Variants in CNTNAP4 observed in about 807,000 individuals in gnomAD.
CNTNAP4 encodes the protein contactin associated protein family member 4.
CNTNAP4 carries 98 observed loss-of-function variants against 148.4 expected under a neutral mutation model. That is an observed-to-expected ratio of 0.66 (90% CI 0.56 to 0.78). CNTNAP4 has a LOEUF of 0.78. CNTNAP4 is among the 30% of genes least tolerant of loss of function. The pLI is 0.00. For synonymous variants in CNTNAP4, 730 were observed against 565.1 expected (o/e 1.29, Z -4.14); for missense variants, 1,935 against 1,565.6 (o/e 1.24, Z -3.98).
At position 76,558,332 on chromosome 16, in the gene CNTNAP4, G is replaced by A. The variant is rs1010777940; in HGVS notation, c.3734-158G>A. On this transcript the variant is annotated intron_variant, in intron 23 of 23. Transcript: ENST00000611870. ...AATAAACTCAACATACAATAATACTGCTTGAGCCAGAAATACCTGAAGTTT... is the reference window on the plus strand; with the variant it reads ...AATAAACTCAACATACAATAATACTACTTGAGCCAGAAATACCTGAAGTTT... 39 of 547,206 alleles carry A rather than the reference G, an allele frequency of 7.1e-5. 1 individual carries two copies. The Admixed American group carries it at 1.2e-3, about 17-fold the overall frequency. 33.9% of individuals were successfully genotyped at this position (547,206 alleles called of 1,614,324 possible).
chr16:76,506,425 T>G, intron 15 of CNTNAP4, among the ~76,000 whole-genome samples: 1 of 53,402 alleles, frequency 1.9e-5, no homozygotes. Flanking sequence ...CCTTCCTTCC[T>G]CCCTTCCCTT....
At chr16:76,361,593 C>T (rs2013446120) in intron 3 of CNTNAP4, among the ~76,000 whole-genome samples, 1 of 152,070 alleles carries the variant, frequency 6.6e-6, no homozygotes, top group South Asian at 2.1e-4. Flanking sequence ...CACTTCTTCG[C>T]TGTTGTAAAT....
chr16:76,295,673 C>T (rs952187276), intron 1 of CNTNAP4, among the ~76,000 whole-genome samples: 3 of 152,092 alleles, frequency 2.0e-5, no homozygotes, highest in Non-Finnish European at 4.4e-5. Flanking sequence ...TCATGGCTGT[C>T]GGAAAGTAGT....
At chr16:76,438,300 C>T (rs555173020) in intron 4 of CNTNAP4, among the ~76,000 whole-genome samples, 333 of 152,110 alleles carry the variant, frequency 2.2e-3, no homozygotes, top group African/African-American at 6.2e-3. Context: ...AGAGAAAGCA[C>T]GAGAAAGAGG....
chr16:76,462,192 T>C, intron 9 of CNTNAP4, 87 bp downstream of exon 9: 2 of 1,120,314 alleles, frequency 1.8e-6, no homozygotes, highest in South Asian at 1.6e-5. Context: ...ATGTTTTAAC[T>C]AATATGAATA....
At chr16:76,368,131 C>G (rs1288904479) in intron 3 of CNTNAP4, among the ~76,000 whole-genome samples, 1 of 152,096 alleles carries the variant, frequency 6.6e-6, no homozygotes, top group African/African-American at 2.4e-5. Flanking sequence ...ACAAAACATA[C>G]CAGCAGGATA....
At chr16:76,427,356 A>G (rs922015956) in intron 3 of CNTNAP4, 96 bp from the exon 4 acceptor site, 8 of 984,412 alleles carry the variant, frequency 8.1e-6, no homozygotes, top group African/African-American at 5.0e-5. Flanking sequence ...TTCATAGTAA[A>G]ATGCAGATCA....
Position 76,559,571 on chromosome 16 carries a change from T to C in CNTNAP4, c.*888T>C, listed in dbSNP as rs1049695244. The stretch of plus-strand genomic sequence containing the variant: ...AAAAAATTATTATTTAATTTACAAC[T>C]GTAATACCTCAAATGAAATATACTT... On this transcript the variant is annotated 3_prime_UTR_variant, in exon 24 of 24. Coordinates refer to ENST00000611870, the MANE Select transcript of CNTNAP4 (RefSeq NM_033401.5). 6.6e-6 allele frequency among the ~76,000 whole-genome samples: 1 copy of C among 152,198 alleles called. No homozygotes were observed. Among genetic ancestry groups the C allele is most frequent in the Non-Finnish European group, 1.5e-5 (1 of 68,036 alleles).
Position 76,522,024 on chromosome 16 carries a change from G to A in CNTNAP4, c.2537-15G>A. ...AGGAACTCACTAGAACAATCTTTAT[G>A]TGTAATATTTCCAGCTCCGACAGTA... On this transcript the variant is annotated splice_polypyrimidine_tract_variant and intron_variant, in intron 16 of 23. Coordinates refer to ENST00000611870, the MANE Select transcript of CNTNAP4 (RefSeq NM_033401.5). 5 of 1,612,358 alleles carry A rather than the reference G, an allele frequency of 3.1e-6. No individual in the cohort carries two copies. Among genetic ancestry groups the A allele is most frequent in the Non-Finnish European group, 4.2e-6 (5 of 1,178,396 alleles).
intron 4 of CNTNAP4, among the ~76,000 whole-genome samples, chr16:76,436,324 C>G (rs2079824563): frequency 6.6e-6 from 1 of 152,128 alleles, no homozygotes; most frequent in African/African-American, 2.4e-5. Context: ...CCAGCTTCAT[C>G]AGGGTCCTCC....
intron 2 of CNTNAP4, among the ~76,000 whole-genome samples, chr16:76,327,903 T>G (rs528012050): frequency 1.4e-3 from 200 of 141,992 alleles, no homozygotes; most frequent in Non-Finnish European, 2.2e-3. Flanking sequence ...ACACATTTCC[T>G]TTGGCCTTCC....
At chr16:76,370,783 C>T (rs535621091) in intron 3 of CNTNAP4, among the ~76,000 whole-genome samples, 37 of 152,298 alleles carry the variant, frequency 2.4e-4, no homozygotes, top group African/African-American at 7.5e-4. Flanking sequence ...TCCTCATTCC[C>T]TTTCAGTTTT....
intron 2 of CNTNAP4, among the ~76,000 whole-genome samples, chr16:76,341,739 AAAAAAAAAATCATTGTAGCC>A (rs765358379): frequency 2.7e-5 from 4 of 150,294 alleles, no homozygotes; most frequent in Non-Finnish European, 4.5e-5. Flanking sequence ...TTCAGCATCC[AAAAAAAAAATCATTGTAGCC>A]ACAAGCATGA....
intron 3 of CNTNAP4, among the ~76,000 whole-genome samples, chr16:76,379,157 A>C (rs538708882): frequency 6.6e-6 from 1 of 152,290 alleles, no homozygotes; most frequent in South Asian, 2.1e-4. Context: ...ACTGAATCCG[A>C]GTCCTACTTT....
intron 19 of CNTNAP4, 114 bp from the exon 20 acceptor site, chr16:76,539,605 C>A (rs1447559954): frequency 1.2e-6 from 1 of 857,302 alleles, no homozygotes; most frequent in Non-Finnish European, 1.8e-6. Context: ...AAGGTATCTT[C>A]CAATTTTTCC....
chr16:76,339,082 C>G (rs9924992), intron 2 of CNTNAP4, among the ~76,000 whole-genome samples: 1 of 151,916 alleles, frequency 6.6e-6, no homozygotes, highest in Non-Finnish European at 1.5e-5. Flanking sequence ...GTTTGAAATT[C>G]TGTGTGTGAT....
intron 1 of CNTNAP4, among the ~76,000 whole-genome samples, chr16:76,300,998 T>C (rs1338301468): frequency 6.6e-6 from 1 of 152,072 alleles, no homozygotes; most frequent in Admixed American, 6.6e-5. Flanking sequence ...GCCTAGGTGA[T>C]GAACAAGTAC....
intron 1 of CNTNAP4, among the ~76,000 whole-genome samples, chr16:76,281,875 T>C (rs1212002368): frequency 6.6e-6 from 1 of 151,924 alleles, no homozygotes; most frequent in Non-Finnish European, 1.5e-5. Context: ...ATTCTTCCAC[T>C]TATTAGTAAA....
At chr16:76,495,167 A>T (rs2082359623) in intron 14 of CNTNAP4, 101 bp downstream of exon 14, 4 of 1,223,612 alleles carry the variant, frequency 3.3e-6, no homozygotes, top group Non-Finnish European at 4.7e-6. Flanking sequence ...AGTTAGTGCA[A>T]TGAAGTAATT....
Sources: gnomAD v4.1 joint callset for allele counts (sites outside exome capture counted in the v4.1 genomes callset) on GRCh38, gnomAD v4.1.1 for gene constraint, MANE v1.5 for transcripts, NCBI Gene and HGNC (gene_info 2026-07-23, HGNC 2026-07-21) for gene names.